The following ASPG variants were observed in gnomAD, a reference collection of about 807,000 sequenced individuals.
ASPG encodes the protein 60 kDa lysophospholipase.
Under a neutral mutation model 63.2 loss-of-function variants are expected in ASPG, and 53 were observed. The observed-to-expected ratio is 0.84, with a 90% confidence interval of 0.67 to 1.05. ASPG has a LOEUF of 1.05. Ranked by LOEUF, ASPG falls within the 50% of genes least tolerant of loss-of-function variation. ASPG has a pLI of 0.00. For missense variants in ASPG, 741 were observed against 794.4 expected (o/e 0.93, Z 0.81); for synonymous variants, 370 against 355.0 (o/e 1.04, Z -0.48).
intron 3 of ASPG, among the ~76,000 whole-genome samples, chr14:104,094,703 G>C (rs2036518531): frequency 1.3e-5 from 2 of 152,206 alleles, no homozygotes; most frequent in South Asian, 4.1e-4. Context: ...GGCAAGGCGT[G>C]ACTGCTTTTT....
rs1222226197 is a variant in ASPG, at chr14:104,098,978, A to T, written c.639A>T (p.Thr213=). The change falls in exon 6 of 16, where the codon ACA becomes ACT. Residue 213 remains threonine (T), a splice_region_variant and synonymous_variant. Coordinates refer to ENST00000551177, the MANE Select transcript of ASPG (RefSeq NM_001080464.3). ...TGGCCACAGTGGGTGCTGACATCAC[A>T]AGTAAGCCCCGCAGGAGCAGGGCCA... ...LPLATVGADI[T]INRELVRKVD... 6.3e-7 allele frequency: 1 copy of T among 1,587,972 alleles called. No individual in the cohort carries two copies. The highest frequency in any genetic ancestry group is 1.1e-5 in the South Asian group (1 of 87,938).
rs537950016 is a variant in ASPG, at chr14:104,109,351, G to A, written c.1520+36G>A. On this transcript the variant is annotated intron_variant, in intron 13 of 15. Coordinates refer to ENST00000551177, the MANE Select transcript of ASPG (RefSeq NM_001080464.3). This position sits in a 1 kb window ranked among gnomAD's most constrained non-coding sequence, Gnocchi z 4.8. ...CTAGAGCACCTGCTCTTCCAGGGAT[G>A]TGGGGGACACAGCTTGGGGAAGCGA... is the stretch of plus-strand genomic sequence containing the variant. 7.0e-5 allele frequency: 110 copies of A among 1,571,848 alleles called. No individual in the cohort carries two copies. In the East Asian group the frequency reaches 7.3e-4, roughly 10 times the overall value.
rs370183967 is a variant in ASPG at position 104,111,602 on chromosome 14, G to T, written c.1620+1G>T. The T allele has an allele frequency of 1.3e-6, 2 of 1,548,972 alleles. No individual in the cohort carries two copies. On this transcript the variant is annotated splice_donor_variant, in intron 14 of 15. Transcript: ENST00000551177. LOFTEE classifies it high-confidence loss of function. ...TGACGGGCACAGCGCCCTGCACGTCGTGAGTGCCCCCACCCCCTGCACCCT... is the reference window on the plus strand; with the variant it reads ...TGACGGGCACAGCGCCCTGCACGTCTTGAGTGCCCCCACCCCCTGCACCCT...
Position 104,104,310 on chromosome 14 carries a change from G to A in ASPG, c.760G>A (p.Ala254Thr), listed in dbSNP as rs2037017509. The change falls in exon 8 of 16, where the codon GCC becomes ACC. Residue 254 changes from alanine to threonine, a missense_variant. Transcript: ENST00000551177. ...CCACCCCACCGCCCCACAGGTTCGG[G>A]CCTTCTTGCAGCCTCCCCTGAAGGG... Reference protein sequence around the residue: ...YPGIPAALVRAFLQPPLKGVV... With the variant: ...YPGIPAALVRTFLQPPLKGVV... 1.2e-6 allele frequency: 2 copies of A among 1,611,254 alleles called. No individual in the cohort carries two copies. The highest frequency in any genetic ancestry group is 8.5e-7 in the Non-Finnish European group (1 of 1,178,940).
intron 10 of ASPG, among the ~76,000 whole-genome samples, chr14:104,106,036 G>C (rs1287461747): frequency 6.6e-6 from 1 of 152,246 alleles, no homozygotes; most frequent in Non-Finnish European, 1.5e-5. Flanking sequence ...GTCCTGCCCC[G>C]GCCTCAGTGC....
rs2036368805 is a variant in ASPG, at chr14:104,091,564, G to A, written c.83-1069G>A. Among the ~76,000 whole-genome samples the A allele has an allele frequency of 6.6e-6, 1 of 152,194 alleles. No individual in the cohort carries two copies. The highest frequency in any genetic ancestry group is 6.5e-5 in the Admixed American group (1 of 15,290). On this transcript the variant is annotated intron_variant, in intron 1 of 15. Transcript: ENST00000551177. This position sits in a 1 kb window ranked among gnomAD's most constrained non-coding sequence, Gnocchi z 6.4. ...GCCATAAACCTTCACGGGGCCAAGGGCTGGTGTCCCGGGGCTGGTGACTTA... is the reference window on the plus strand; with the variant it reads ...GCCATAAACCTTCACGGGGCCAAGGACTGGTGTCCCGGGGCTGGTGACTTA...
chr14:104,090,281 C>T (rs2036329821), intron 1 of ASPG, among the ~76,000 whole-genome samples: 1 of 152,234 alleles, frequency 6.6e-6, no homozygotes, highest in Non-Finnish European at 1.5e-5. Flanking sequence ...GCTGTTCCCC[C>T]ACATGAGTCA....
intron 6 of ASPG, among the ~76,000 whole-genome samples, chr14:104,099,671 A>C (rs2036785381): frequency 6.6e-6 from 1 of 152,214 alleles, no homozygotes; most frequent in African/African-American, 2.4e-5. Context: ...CACGGCCAGC[A>C]TGGCCAGTCC....
chr14:104,097,946 T>TTAGAGATGCGTATGGAGGTTCTCC (rs1566830199), intron 5 of ASPG, among the ~76,000 whole-genome samples: 1 of 18,924 alleles, frequency 5.3e-5, no homozygotes, highest in Non-Finnish European at 1.4e-4. Context: ...GGAGGTTCTG[T>TTAGAGATGCGTATGGAGGTTCTCC]GTTAGAGATG....
Position 104,110,581 on chromosome 14 carries a change from G to T in ASPG, c.1521-921G>T. 8 of 985,276 alleles carry T rather than the reference G, an allele frequency of 8.1e-6. No individual in the cohort carries two copies. The highest frequency in any genetic ancestry group is 9.6e-6 in the Non-Finnish European group (8 of 829,852). The allele number at this position is 985,276 out of a possible 1,614,324, so 61.0% of individuals were successfully genotyped here. On this transcript the variant is annotated intron_variant, in intron 13 of 15. Transcript: ENST00000551177. The surrounding 1 kb of genome is among the most constrained non-coding windows in gnomAD (Gnocchi z 4.7). ...CTTCCTAGGGGCCGGTGTGTGTGTGGGGCTTGGCCTCTTGGAGCAGGTCCA... is the reference window on the plus strand; with the variant it reads ...CTTCCTAGGGGCCGGTGTGTGTGTGTGGCTTGGCCTCTTGGAGCAGGTCCA...
chr14:104,108,326 C>A, intron 12 of ASPG: 9 of 857,678 alleles, frequency 1.0e-5, no homozygotes, highest in Non-Finnish European at 1.3e-5. Context: ...GACTGGGCGT[C>A]CTTGGGTGTG....
chr14:104,110,034 C>T lies in ASPG; in HGVS notation c.1520+719C>T, dbSNP rs1435860003. 2.0e-6 allele frequency: 2 copies of T among 985,386 alleles called. No homozygotes were observed. The highest frequency in any genetic ancestry group is 2.4e-6 in the Non-Finnish European group (2 of 829,918). The allele number at this position is 985,386 out of a possible 1,614,324, so 61.0% of individuals were successfully genotyped here. On this transcript the variant is annotated intron_variant, in intron 13 of 15. Coordinates refer to ENST00000551177, the MANE Select transcript of ASPG (RefSeq NM_001080464.3). The surrounding 1 kb of genome is among the most constrained non-coding windows in gnomAD (Gnocchi z 4.7). ...CGCCACAGCCAGAATCGCTGCCCCC[C>T]ACCCCATGCCTTGTGCCTGGTGACT...
intron 12 of ASPG, chr14:104,108,265 C>A: frequency 4.5e-6 from 1 of 221,308 alleles, no homozygotes; most frequent in Non-Finnish European, 7.6e-6. Context: ...GGGGGCGGGG[C>A]TGTGAGGGTC....
intron 1 of ASPG, among the ~76,000 whole-genome samples, chr14:104,089,002 C>T (rs538726493): frequency 5.3e-5 from 8 of 152,090 alleles, no homozygotes; most frequent in Admixed American, 2.6e-4. Context: ...GTGTGAAAGC[C>T]GGTGTTTGTT....
At chr14:104,095,170 C>T (rs569958519) in intron 3 of ASPG, among the ~76,000 whole-genome samples, 3 of 152,204 alleles carry the variant, frequency 2.0e-5, no homozygotes, top group South Asian at 2.1e-4. Flanking sequence ...GCCTGACCCG[C>T]GGTCTGGGCT....
intron 2 of ASPG, 181 bp downstream of exon 2, chr14:104,092,922 C>T (rs2036414545): frequency 1.7e-6 from 1 of 597,230 alleles, no homozygotes; most frequent in Admixed American, 2.9e-5. Context: ...GCCTGAACCT[C>T]TGAGGGTGCC....
rs574273962 is a variant in ASPG at position 104,086,444 on chromosome 14, G to A, written c.82+592G>A. On this transcript the variant is annotated intron_variant, in intron 1 of 15. Coordinates refer to ENST00000551177, the MANE Select transcript of ASPG (RefSeq NM_001080464.3). The stretch of plus-strand genomic sequence containing the variant: ...TGGTTGACCAGAGACCAGCGATTGC[G>A]TCTGGACTGAGTTCTGCCTGGGTGG... Among the ~76,000 whole-genome samples the A allele has an allele frequency of 1.4e-4, 21 of 152,204 alleles. 1 individual carries two copies. The highest frequency in any genetic ancestry group is 2.5e-4 in the Non-Finnish European group (17 of 68,018).
intron 1 of ASPG, 58 bp downstream of exon 1, chr14:104,085,910 C>A: frequency 6.7e-7 from 1 of 1,495,124 alleles, no homozygotes; most frequent in South Asian, 1.2e-5. Flanking sequence ...CCGGGAGCCT[C>A]GGACCCTCCT....
At chr14:104,102,889 CA>C (rs1381216965) in intron 6 of ASPG, among the ~76,000 whole-genome samples, 1 of 152,220 alleles carries the variant, frequency 6.6e-6, no homozygotes, top group Non-Finnish European at 1.5e-5. Flanking sequence ...CTGGGGCCTG[CA>C]CCTCCACCAT....
Sources: allele counts gnomAD v4.1 joint callset (sites outside exome capture counted in the v4.1 genomes callset), GRCh38; gene constraint gnomAD v4.1.1; non-coding constraint Gnocchi (gnomAD v3.1); transcripts MANE v1.5; gene names NCBI Gene and HGNC (gene_info 2026-07-23, HGNC 2026-07-21).